Variants in DLGAP1 observed in about 807,000 individuals in gnomAD.
The protein encoded by DLGAP1 is DLG associated protein 1, also known as disks large-associated protein 1.
A neutral mutation model predicts 90.8 loss-of-function variants in DLGAP1; 11 were observed. The ratio of observed to expected loss-of-function variants is 0.12; its 90% confidence interval spans 0.08 to 0.20. DLGAP1 has a LOEUF of 0.20. Among genes scored for constraint, DLGAP1 ranks in the 10% least tolerant of loss-of-function variants. The pLI, the probability that DLGAP1 is intolerant of heterozygous loss-of-function variation, is 1.00. For missense variants in DLGAP1, 1,050 were observed against 1,333.8 expected (o/e 0.79, Z 3.31); for synonymous variants, 558 against 540.7 (o/e 1.03, Z -0.44).
At chr18:3,844,003 CA>C (rs1219061244) in intron 4 of DLGAP1, among the ~76,000 whole-genome samples, 1 of 152,118 alleles carries the variant, frequency 6.6e-6, no homozygotes, top group Admixed American at 6.6e-5. Context: ...GAAATGTGAA[CA>C]ATTTCAAGGA....
rs570620065 is a variant in DLGAP1 at position 4,190,239 on chromosome 18, T to G, written c.-266-38952A>C. 2.0e-5 allele frequency among the ~76,000 whole-genome samples: 3 copies of G among 152,176 alleles called. No homozygotes were observed. In the East Asian group the frequency reaches 5.8e-4, roughly 29 times the overall value. On this transcript the variant is annotated intron_variant, in intron 1 of 12. Coordinates refer to ENST00000315677, the MANE Select transcript of DLGAP1 (RefSeq NM_004746.4). ...ACATGGAGGAAGTTGAAATACATAT[T>G]ATGAAGTGGAAGAAGGAAGTCTTAA...
intron 4 of DLGAP1, among the ~76,000 whole-genome samples, chr18:3,817,608 T>G (rs888456068): frequency 3.9e-5 from 6 of 152,202 alleles, no homozygotes; most frequent in African/African-American, 1.4e-4. Flanking sequence ...AACATCGATA[T>G]AATCGAGTCA....
chr18:3,830,047 T>C (rs2067944860), intron 4 of DLGAP1, among the ~76,000 whole-genome samples: 1 of 152,220 alleles, frequency 6.6e-6, no homozygotes, highest in South Asian at 2.1e-4. Flanking sequence ...AAGACGTGAG[T>C]GTAAAGACCA....
chr18:3,538,476 T>A (rs1471615463), intron 9 of DLGAP1, among the ~76,000 whole-genome samples: 1 of 152,008 alleles, frequency 6.6e-6, no homozygotes, highest in Non-Finnish European at 1.5e-5. Context: ...GAAAGAACAA[T>A]TTTGCGAAAG....
chr18:4,037,787 C>A (rs2074913126), intron 2 of DLGAP1, among the ~76,000 whole-genome samples: 1 of 152,140 alleles, frequency 6.6e-6, no homozygotes, highest in African/African-American at 2.4e-5. Context: ...TAGTGAAACC[C>A]CATCTCTACC....
intron 7 of DLGAP1, among the ~76,000 whole-genome samples, chr18:3,639,668 C>G (rs961566016): frequency 6.6e-5 from 10 of 151,916 alleles, no homozygotes; most frequent in African/African-American, 2.4e-4. Flanking sequence ...CCTCTGAAAT[C>G]TCTGATGCAG....
At chr18:4,438,356 C>G (rs545981679) in intron 1 of DLGAP1, among the ~76,000 whole-genome samples, 1 of 125,006 alleles carries the variant, frequency 8.0e-6, no homozygotes. Context: ...GGTGTGAACC[C>G]GGGAGGTGGA....
intron 7 of DLGAP1, among the ~76,000 whole-genome samples, chr18:3,623,063 C>A (rs1311030294): frequency 1.3e-5 from 2 of 152,030 alleles, no homozygotes; most frequent in African/African-American, 4.8e-5. Context: ...CCTCTGCCTC[C>A]CAAAGTGCTG....
intron 3 of DLGAP1, among the ~76,000 whole-genome samples, chr18:3,922,622 A>G (rs1640989299): frequency 6.6e-6 from 1 of 152,124 alleles, no homozygotes. Flanking sequence ...TAATAGCTGC[A>G]TATTATTTTA....
intron 1 of DLGAP1, among the ~76,000 whole-genome samples, chr18:4,401,856 C>T (rs956133180): frequency 1.3e-5 from 2 of 152,220 alleles, no homozygotes; most frequent in East Asian, 1.9e-4. Flanking sequence ...TTTCACCATG[C>T]ATGCTTTAAA....
At chr18:4,295,874 A>G (rs902653948) in intron 1 of DLGAP1, among the ~76,000 whole-genome samples, 1 of 152,238 alleles carries the variant, frequency 6.6e-6, no homozygotes, top group Admixed American at 6.5e-5. Context: ...ATGCTTGTTA[A>G]GAAAGGCTTT....
chr18:4,259,020 G>T (rs1362109082), intron 1 of DLGAP1, among the ~76,000 whole-genome samples: 3 of 152,118 alleles, frequency 2.0e-5, no homozygotes, highest in Non-Finnish European at 4.4e-5. Flanking sequence ...TATTTTATTA[G>T]TCCCCAAAGC....
chr18:4,391,003 C>A (rs1028206979), intron 1 of DLGAP1, among the ~76,000 whole-genome samples: 2 of 152,166 alleles, frequency 1.3e-5, no homozygotes, highest in African/African-American at 4.8e-5. Flanking sequence ...ATACCTTAAA[C>A]ACACTGTTAC....
intron 2 of DLGAP1, among the ~76,000 whole-genome samples, chr18:4,037,954 C>T (rs184830581): frequency 1.3e-4 from 20 of 152,162 alleles, no homozygotes; most frequent in East Asian, 3.9e-4. Flanking sequence ...AGTGAGACTC[C>T]GTCTCAAAAA....
intron 2 of DLGAP1, among the ~76,000 whole-genome samples, chr18:4,073,709 T>A (rs1032143741): frequency 3.3e-5 from 5 of 152,070 alleles, no homozygotes; most frequent in Admixed American, 2.0e-4. Flanking sequence ...AAAAATAAAT[T>A]AGCTGCTCAA....
chr18:3,985,561 A>G (rs1024086440), intron 3 of DLGAP1, among the ~76,000 whole-genome samples: 4 of 151,418 alleles, frequency 2.6e-5, no homozygotes, highest in African/African-American at 7.3e-5. Context: ...TAAATACTCT[A>G]TAAGTGTTCT....
In DLGAP1 at chr18:3,581,918, T is replaced by G. The variant is rs764287181; in HGVS notation, c.1922A>C (p.Lys641Thr). The G allele has an allele frequency of 1.2e-6, 2 of 1,614,104 alleles. No homozygotes were observed. Among genetic ancestry groups the G allele is most frequent in the Non-Finnish European group, 1.7e-6 (2 of 1,180,050 alleles). ...GCATCGATTTTTCTTAAAGTGGTCC[T>G]TCTTCCTGTCCTCCGTGGTGACGGT... ...IATVTTEDRKKDHFKKNRCLS... is the reference protein window; with the variant it reads ...IATVTTEDRKTDHFKKNRCLS... Residue 641 changes from lysine (K) to threonine (T), a missense_variant, in exon 8 of 13, where the codon AAG becomes ACG. Physicochemically the swap from Lys to Thr is moderately conservative, Grantham distance 78. Coordinates refer to ENST00000315677, the MANE Select transcript of DLGAP1 (RefSeq NM_004746.4).
chr18:4,411,622 C>T (rs182710878), intron 1 of DLGAP1, among the ~76,000 whole-genome samples: 11 of 152,230 alleles, frequency 7.2e-5, no homozygotes, highest in African/African-American at 2.6e-4. Flanking sequence ...ATGGGCTCAG[C>T]GAGGCAGCTT....
chr18:4,249,604 T>G (rs1261544038), intron 1 of DLGAP1, among the ~76,000 whole-genome samples: 2 of 152,206 alleles, frequency 1.3e-5, no homozygotes, highest in African/African-American at 4.8e-5. Context: ...TTTTTTTCTT[T>G]TGAGACAGGG....
Sources: allele counts gnomAD v4.1 joint callset (sites outside exome capture counted in the v4.1 genomes callset), GRCh38; gene constraint gnomAD v4.1.1; transcripts MANE v1.5; gene names NCBI Gene and HGNC (gene_info 2026-07-23, HGNC 2026-07-21).